MACROD2: variants seen among roughly 807,000 people sequenced by gnomAD.
MACROD2 encodes ADP-ribose glycohydrolase MACROD2.
In MACROD2, 36 loss-of-function variants were observed where a neutral mutation model predicts 70.4. The observed-to-expected ratio is 0.51, with a 90% CI of 0.39 to 0.68. The LOEUF (loss-of-function observed/expected upper bound fraction) is 0.68, where lower values mean the gene tolerates loss of function less well. Among genes scored for constraint, MACROD2 ranks in the 30% least tolerant of loss-of-function variants. The pLI, the probability that MACROD2 is intolerant of heterozygous loss-of-function variation, is 0.00. For synonymous variants in MACROD2, 172 were observed against 178.8 expected, an observed-to-expected ratio of 0.96 and a Z score of 0.30; for missense variants, 496 against 538.4, an observed-to-expected ratio of 0.92 and a Z score of 0.78.
At chr20:14,075,594 CCTT>C (rs1442039709) in intron 2 of MACROD2, among the ~76,000 whole-genome samples, 1 of 152,198 alleles carries the variant, frequency 6.6e-6, no homozygotes. Flanking sequence ...TTCTGCTCCT[CCTT>C]CTCCCCTTGC....
intron 6 of MACROD2, among the ~76,000 whole-genome samples, chr20:15,401,844 G>A (rs1335915471): frequency 6.6e-6 from 1 of 152,144 alleles, no homozygotes; most frequent in Non-Finnish European, 1.5e-5. Flanking sequence ...GGAGACCTTG[G>A]GGGAATGATC....
intron 5 of MACROD2, among the ~76,000 whole-genome samples, chr20:14,687,643 A>G (rs1044017023): frequency 2.0e-5 from 3 of 152,196 alleles, no homozygotes; most frequent in Non-Finnish European, 4.4e-5. Context: ...AGAATCCATG[A>G]GAGCTGAGAT....
chr20:15,192,459 C>T (rs1180796885), intron 5 of MACROD2, among the ~76,000 whole-genome samples: 1 of 152,152 alleles, frequency 6.6e-6, no homozygotes, highest in Non-Finnish European at 1.5e-5. Flanking sequence ...AGACCTTTAA[C>T]AGGCAAATGA....
rs150966177 is a variant in MACROD2 at position 15,018,630 on chromosome 20, T to G, written c.419-211310T>G. On this transcript the variant is annotated intron_variant, in intron 5 of 17. Transcript: ENST00000684519. ...AGAGAGACAGAGAGAGAGAGAGAGCTCTAAGCACAGGTTTAGAATGTGTAT... is the reference window on the plus strand; with the variant it reads ...AGAGAGACAGAGAGAGAGAGAGAGCGCTAAGCACAGGTTTAGAATGTGTAT... 7.5e-3 allele frequency among the ~76,000 whole-genome samples: 1,141 copies of G among 152,148 alleles called. 11 individuals are homozygous for G. Among genetic ancestry groups the G allele is most frequent in the Admixed American group, 0.013 (191 of 15,274 alleles).
At chr20:15,379,343 T>C (rs1184103656) in intron 6 of MACROD2, among the ~76,000 whole-genome samples, 1 of 136,724 alleles carries the variant, frequency 7.3e-6, no homozygotes. Context: ...TATTCCATCA[T>C]TTTTGGTCTA....
At chr20:14,795,331 G>T (rs2072497865) in intron 5 of MACROD2, among the ~76,000 whole-genome samples, 1 of 152,110 alleles carries the variant, frequency 6.6e-6, no homozygotes, top group African/African-American at 2.4e-5. Flanking sequence ...AGAAAGCCAG[G>T]ATCTAGGGAA....
chr20:14,462,849 A>C (rs2084388712), intron 3 of MACROD2, among the ~76,000 whole-genome samples: 1 of 151,966 alleles, frequency 6.6e-6, no homozygotes, highest in African/African-American at 2.4e-5. Context: ...AGTTGTAGAT[A>C]TGCGGCATTA....
chr20:15,563,887 C>T (rs894663576), intron 8 of MACROD2, among the ~76,000 whole-genome samples: 1 of 152,154 alleles, frequency 6.6e-6, no homozygotes, highest in Non-Finnish European at 1.5e-5. Flanking sequence ...GCATATGATT[C>T]CATTTAATCA....
At chr20:14,464,536 C>CTT (rs1326021201) in intron 3 of MACROD2, among the ~76,000 whole-genome samples, 3 of 152,114 alleles carry the variant, frequency 2.0e-5, no homozygotes, top group Non-Finnish European at 4.4e-5. Context: ...CTGTTTCCTT[C>CTT]AGTTCTGCTC....
intron 8 of MACROD2, among the ~76,000 whole-genome samples, chr20:15,777,652 C>CTCTCTCTCTT (rs71190199): frequency 1.5e-5 from 2 of 134,964 alleles, no homozygotes; most frequent in East Asian, 2.4e-4. Flanking sequence ...CTCTCTCTCT[C>CTCTCTCTCTT]TCTTTCTTTC....
chr20:14,438,721 G>A (rs980410889), intron 3 of MACROD2, among the ~76,000 whole-genome samples: 9 of 152,088 alleles, frequency 5.9e-5, no homozygotes, highest in Admixed American at 2.6e-4. Context: ...TTGGAGAAAT[G>A]CATATTCAAG....
intron 4 of MACROD2, among the ~76,000 whole-genome samples, chr20:14,515,463 A>ACACACACACACGCGCGCG (rs34190778): frequency 7.2e-6 from 1 of 138,822 alleles, no homozygotes; most frequent in African/African-American, 2.9e-5. Flanking sequence ...ATACACACAC[A>ACACACACACACGCGCGCG]CGCACACACA....
At chr20:14,338,616 A>C (rs983418917) in intron 3 of MACROD2, among the ~76,000 whole-genome samples, 1 of 152,220 alleles carries the variant, frequency 6.6e-6, no homozygotes, top group Non-Finnish European at 1.5e-5. Context: ...ATTTAATAGA[A>C]TATTTTCCTT....
intron 7 of MACROD2, among the ~76,000 whole-genome samples, chr20:15,463,325 A>G (rs976481834): frequency 2.0e-5 from 3 of 152,230 alleles, no homozygotes; most frequent in Non-Finnish European, 4.4e-5. Flanking sequence ...GGAGGAAGTA[A>G]TGGGTGGGAA....
intron 4 of MACROD2, among the ~76,000 whole-genome samples, chr20:14,647,571 A>G (rs560918322): frequency 5.9e-5 from 9 of 152,188 alleles, no homozygotes; most frequent in East Asian, 1.9e-4. Flanking sequence ...TCAAGAATGT[A>G]GGGAAACACT....
At chr20:14,866,041 T>G (rs1022669111) in intron 5 of MACROD2, among the ~76,000 whole-genome samples, 1 of 152,116 alleles carries the variant, frequency 6.6e-6, no homozygotes, top group African/African-American at 2.4e-5. Context: ...TAATGCAGTT[T>G]GATTAATCTT....
chr20:15,822,191 G>A (rs997227699), intron 8 of MACROD2, among the ~76,000 whole-genome samples: 5 of 152,088 alleles, frequency 3.3e-5, no homozygotes, highest in Non-Finnish European at 2.9e-5. Context: ...ACAAATTAAA[G>A]CAAAGTCCAG....
chr20:14,277,818 G>A (rs2082272664), intron 3 of MACROD2, among the ~76,000 whole-genome samples: 1 of 152,166 alleles, frequency 6.6e-6, no homozygotes, highest in Non-Finnish European at 1.5e-5. Context: ...TCAGCCTCCT[G>A]CAAATTCTTT....
chr20:14,989,384 C>T lies in MACROD2; in HGVS notation c.419-240556C>T, dbSNP rs2147339. On this transcript the variant is annotated intron_variant, in intron 5 of 17. Transcript: ENST00000684519. Reference sequence around the variant, plus strand: ...CAGCTGCTGTCCAGGCTCTTGACACCGTCCTGAGAATGAATTCAAGGATGA... The same window carrying T: ...CAGCTGCTGTCCAGGCTCTTGACACTGTCCTGAGAATGAATTCAAGGATGA... Among the ~76,000 whole-genome samples, 1,498 of 152,168 alleles carry T rather than the reference C, an allele frequency of 9.8e-3. 24 individuals carry two copies. The highest frequency in any genetic ancestry group is 0.035 in the African/African-American group (1,450 of 41,502).
Sources: gnomAD v4.1 joint callset for allele counts (sites outside exome capture counted in the v4.1 genomes callset) on GRCh38, gnomAD v4.1.1 for gene constraint, MANE v1.5 for transcripts, NCBI Gene and HGNC (gene_info 2026-07-23, HGNC 2026-07-21) for gene names.